The following KCNIP4 variants were observed in gnomAD, a reference collection of about 807,000 sequenced individuals.
The protein encoded by KCNIP4 is potassium voltage-gated channel interacting protein 4.
A neutral mutation model predicts 34.0 loss-of-function variants in KCNIP4; 12 were observed. The observed-to-expected ratio is 0.35, with a 90% CI of 0.23 to 0.57. KCNIP4 has a LOEUF of 0.57. KCNIP4 is among the 20% of genes least tolerant of loss of function. KCNIP4 has a pLI of 0.83. For synonymous variants in KCNIP4, 124 were observed against 102.2 expected, an observed-to-expected ratio of 1.21 and a Z score of -1.29; for missense variants, 238 against 311.7, an observed-to-expected ratio of 0.76 and a Z score of 1.78.
At chr4:21,666,876 C>G (rs957239772) in intron 1 of KCNIP4, among the ~76,000 whole-genome samples, 2 of 152,172 alleles carry the variant, frequency 1.3e-5, no homozygotes, top group Non-Finnish European at 2.9e-5. Flanking sequence ...TCCTGCTTAC[C>G]TTTCTTCAAC....
At chr4:20,756,587 T>G (rs1046484097) in intron 4 of KCNIP4, among the ~76,000 whole-genome samples, 3 of 151,982 alleles carry the variant, frequency 2.0e-5, no homozygotes, top group Admixed American at 2.0e-4. Flanking sequence ...TCTCTATTGG[T>G]TGTCGCTGTT....
At chr4:20,949,756 T>C (rs1377879559) in intron 1 of KCNIP4, among the ~76,000 whole-genome samples, 1 of 148,658 alleles carries the variant, frequency 6.7e-6, no homozygotes, top group Non-Finnish European at 1.5e-5. Context: ...ACTATCGCAA[T>C]AACAAAAAAC....
chr4:21,266,402 CA>C (rs58168075), intron 1 of KCNIP4, among the ~76,000 whole-genome samples: 27,557 of 150,294 alleles, frequency 0.18, 3,233 homozygotes, highest in African/African-American at 0.32. Context: ...GCCAAGGAAA[CA>C]AAAAAAAACA....
intron 1 of KCNIP4, among the ~76,000 whole-genome samples, chr4:21,672,379 G>A (rs1443938811): frequency 6.9e-6 from 1 of 145,194 alleles, no homozygotes; most frequent in Non-Finnish European, 1.5e-5. Context: ...CATCTGCTGT[G>A]AGACCATGGG....
At chr4:21,794,701 A>C (rs1013909420) in intron 1 of KCNIP4, among the ~76,000 whole-genome samples, 2 of 151,988 alleles carry the variant, frequency 1.3e-5, no homozygotes, top group Non-Finnish European at 2.9e-5. Context: ...ACCAGTCTAA[A>C]ACTCCAGCTC....
chr4:20,861,280 G>A (rs1181063071), intron 2 of KCNIP4, among the ~76,000 whole-genome samples: 2 of 152,152 alleles, frequency 1.3e-5, no homozygotes, highest in Admixed American at 6.5e-5. Context: ...GAATGCAGAG[G>A]TCTGGGAACT....
chr4:21,031,452 T>A (rs1741017241), intron 1 of KCNIP4, among the ~76,000 whole-genome samples: 1 of 152,240 alleles, frequency 6.6e-6, no homozygotes, highest in Non-Finnish European at 1.5e-5. Flanking sequence ...TTCTATTGTT[T>A]GATTGCTATC....
intron 1 of KCNIP4, among the ~76,000 whole-genome samples, chr4:21,857,275 G>A (rs1724817717): frequency 6.6e-6 from 1 of 152,206 alleles, no homozygotes; most frequent in Non-Finnish European, 1.5e-5. Flanking sequence ...GCAGAAAGGA[G>A]CTACCTACCC....
chr4:20,746,964 A>G (rs970271278), intron 5 of KCNIP4, among the ~76,000 whole-genome samples: 2 of 152,184 alleles, frequency 1.3e-5, no homozygotes, highest in African/African-American at 4.8e-5. Flanking sequence ...CAGGTAGCTA[A>G]TCAATTTAGA....
chr4:20,856,669 A>C (rs1447068163), intron 2 of KCNIP4, among the ~76,000 whole-genome samples: 1 of 152,094 alleles, frequency 6.6e-6, no homozygotes, highest in Admixed American at 6.6e-5. Context: ...TCCCTTGAAT[A>C]TTTGCTGCCC....
intron 5 of KCNIP4, among the ~76,000 whole-genome samples, chr4:20,737,930 G>T (rs969859987): frequency 7.9e-5 from 12 of 152,194 alleles, no homozygotes; most frequent in Admixed American, 1.3e-4. Context: ...CCAAGAGTTT[G>T]CAAGCAGCCT....
intron 3 of KCNIP4, among the ~76,000 whole-genome samples, chr4:20,820,794 CAATT>C (rs1191240932): frequency 1.3e-5 from 2 of 152,198 alleles, no homozygotes; most frequent in South Asian, 2.1e-4. Context: ...AGGGCCAACT[CAATT>C]TCTGCTCCAC....
chr4:21,778,783 C>T (rs896428216), intron 1 of KCNIP4, among the ~76,000 whole-genome samples: 1 of 152,022 alleles, frequency 6.6e-6, no homozygotes, highest in African/African-American at 2.4e-5. Flanking sequence ...ATAATAATAA[C>T]ATCAACTAAA....
At chr4:21,170,066 C>T (rs1221095333) in intron 1 of KCNIP4, among the ~76,000 whole-genome samples, 1 of 152,012 alleles carries the variant, frequency 6.6e-6, no homozygotes, top group East Asian at 1.9e-4. Flanking sequence ...AAGAAGGAAT[C>T]TTGAGATTAA....
intron 1 of KCNIP4, among the ~76,000 whole-genome samples, chr4:21,023,094 A>G (rs556305429): frequency 7.2e-4 from 110 of 152,274 alleles, no homozygotes; most frequent in African/African-American, 2.5e-3. Context: ...AAGTGCTGGG[A>G]TAAGTTTTTA....
chr4:21,300,485 C>T (rs554442457), intron 1 of KCNIP4, among the ~76,000 whole-genome samples: 2 of 152,102 alleles, frequency 1.3e-5, no homozygotes, highest in Admixed American at 1.3e-4. Flanking sequence ...GATTACTTTT[C>T]TTCAAAAGAA....
chr4:21,732,646 C>T (rs569876130), intron 1 of KCNIP4, among the ~76,000 whole-genome samples: 2 of 149,758 alleles, frequency 1.3e-5, no homozygotes, highest in East Asian at 4.0e-4. Flanking sequence ...CCTGCCTCCA[C>T]TCTCCTCATC....
intron 1 of KCNIP4, among the ~76,000 whole-genome samples, chr4:21,655,883 C>T (rs533627039): frequency 2.8e-4 from 43 of 152,272 alleles, no homozygotes; most frequent in African/African-American, 9.9e-4. Flanking sequence ...TCTAAAATAT[C>T]TTGGGCATCT....
At chr4:21,321,892 G>C (rs1189643849) in intron 1 of KCNIP4, among the ~76,000 whole-genome samples, 1 of 142,516 alleles carries the variant, frequency 7.0e-6, no homozygotes, top group African/African-American at 2.6e-5. Context: ...AAGGAAGGAG[G>C]GAGGAAGGGA....
Sources: allele counts gnomAD v4.1 joint callset (sites outside exome capture counted in the v4.1 genomes callset), GRCh38; gene constraint gnomAD v4.1.1; transcripts MANE v1.5; gene names NCBI Gene and HGNC (gene_info 2026-07-23, HGNC 2026-07-21).